The following ST7L variants were observed in gnomAD, a reference collection of about 807,000 sequenced individuals.
The protein encoded by ST7L is suppression of tumorigenicity 7 like.
A neutral mutation model predicts 72.5 loss-of-function variants in ST7L; 57 were observed. The observed-to-expected ratio is 0.79, with a 90% CI of 0.64 to 0.98. The LOEUF (loss-of-function observed/expected upper bound fraction) is 0.98. Among genes scored for constraint, ST7L ranks in the 50% least tolerant of loss-of-function variants. The pLI, the probability that ST7L is intolerant of heterozygous loss-of-function variation, is 0.00. For missense variants in ST7L, 576 were observed against 672.2 expected, an observed-to-expected ratio of 0.86 and a Z score of 1.58; for synonymous variants, 221 against 240.9, an observed-to-expected ratio of 0.92 and a Z score of 0.77.
chr1:112,600,993 G>T (rs957502554), intron 3 of ST7L, 145 bp from the exon 4 acceptor site: 8 of 670,412 alleles, frequency 1.2e-5, no homozygotes, highest in Non-Finnish European at 2.0e-5. Flanking sequence ...TCAAAAAACA[G>T]AATTAAATCT....
At chr1:112,594,015 G>A (rs922732091) in intron 5 of ST7L, among the ~76,000 whole-genome samples, 5 of 152,210 alleles carry the variant, frequency 3.3e-5, no homozygotes, top group Non-Finnish European at 5.9e-5. Flanking sequence ...CACCTCTAGA[G>A]AAGTACATAA....
Position 112,584,104 on chromosome 1 carries a change from G to A in ST7L, c.724C>T (p.Leu242=), listed in dbSNP as rs1452728298. 3 of 1,613,846 alleles carry A rather than the reference G, an allele frequency of 1.9e-6. No homozygotes were observed. The highest frequency in any genetic ancestry group is 3.3e-5 in the Admixed American group (2 of 59,980). Residue 242 remains leucine, a synonymous_variant, in exon 7 of 15, where the codon CTG becomes TTG. Coordinates refer to ENST00000358039, the MANE Select transcript of ST7L (RefSeq NM_017744.5). ...NNDCATAYVL[L]AEEEATTIVD... ...ATAGTTGTTGCTTCTTCCTCAGCCA[G>A]TAGAACATATGCAGTGGCACAGCTA...
chr1:112,520,576 T>C, downstream of ST7L: 1 of 1,512,016 alleles, frequency 6.6e-7, no homozygotes, highest in Non-Finnish European at 9.1e-7. Flanking sequence ...GATCCTTGCA[T>C]GCACACCTTC....
chr1:112,575,232 G>T (rs1376078127), intron 11 of ST7L, among the ~76,000 whole-genome samples: 3 of 152,066 alleles, frequency 2.0e-5, no homozygotes, highest in Non-Finnish European at 2.9e-5. Flanking sequence ...GCAAAACTCT[G>T]TCTAAAGAAA....
intron 14 of ST7L, among the ~76,000 whole-genome samples, chr1:112,533,351 GCT>G (rs1166865452): frequency 1.3e-5 from 2 of 151,520 alleles, no homozygotes; most frequent in African/African-American, 4.8e-5. Context: ...ATGGAGTCTC[GCT>G]CTGTTGCCAG....
intron 13 of ST7L, 92 bp from the exon 14 acceptor site, chr1:112,542,182 T>A: frequency 7.7e-7 from 1 of 1,296,572 alleles, no homozygotes; most frequent in Non-Finnish European, 1.0e-6. Flanking sequence ...TTTTAAAAAT[T>A]AAAAAGAAAA....
intron 14 of ST7L, among the ~76,000 whole-genome samples, chr1:112,534,542 A>G (rs1198614420): frequency 6.6e-6 from 1 of 152,212 alleles, no homozygotes; most frequent in Admixed American, 6.5e-5. Flanking sequence ...ATTGTAATAT[A>G]TTATGTAGTC....
In ST7L at chr1:112,565,211, A is replaced by ATTTTTTTT. The variant is rs777969643; in HGVS notation, c.1246-9201_1246-9194dup. On this transcript the variant is annotated intron_variant, in intron 11 of 14. Transcript: ENST00000358039. ...AGGCGCCCACCACCATGTTCGGCTAATTTTTTTTTTTTTTTTTTTTTTTTT... is the reference window on the plus strand; with the variant it reads ...AGGCGCCCACCACCATGTTCGGCTAATTTTTTTTTTTTTTTTTTTTTTTTTTTTTTTTT... Among the ~76,000 whole-genome samples the ATTTTTTTT allele has an allele frequency of 8.6e-4, 50 of 57,952 alleles. 2 individuals carry two copies. Among genetic ancestry groups the ATTTTTTTT allele is most frequent in the African/African-American group, 1.5e-3 (17 of 11,650 alleles). The allele number at this position is 57,952 out of a possible 152,430, so 38.0% of individuals were successfully genotyped here.
chr1:112,565,842 C>G (rs11102496), intron 11 of ST7L, among the ~76,000 whole-genome samples: 29,461 of 151,840 alleles, frequency 0.19, 3,566 homozygotes, highest in East Asian at 0.46. Flanking sequence ...ATGGCAAAAC[C>G]CCATCTCTAC....
chr1:112,588,465 T>C (rs983074845), intron 6 of ST7L, among the ~76,000 whole-genome samples: 3 of 152,206 alleles, frequency 2.0e-5, no homozygotes, highest in Non-Finnish European at 4.4e-5. Flanking sequence ...CCATTCCTAG[T>C]TTTTTAATGT....
At chr1:112,569,717 G>A (rs1241909032) in intron 11 of ST7L, among the ~76,000 whole-genome samples, 1 of 152,212 alleles carries the variant, frequency 6.6e-6, no homozygotes, top group Non-Finnish European at 1.5e-5. Context: ...CCATGACTAT[G>A]GGAGGCCGAG....
At chr1:112,571,214 A>G (rs1662070163) in intron 11 of ST7L, 12 of 420,832 alleles carry the variant, frequency 2.9e-5, no homozygotes, top group South Asian at 1.2e-4. Context: ...ATTGTGTTTC[A>G]TAACACTCGG....
At chr1:112,589,342 G>T (rs1348835692) in intron 6 of ST7L, among the ~76,000 whole-genome samples, 1 of 152,010 alleles carries the variant, frequency 6.6e-6, no homozygotes, top group Non-Finnish European at 1.5e-5. Flanking sequence ...TTCTGCCTTG[G>T]CCTCCCAAAG....
At chr1:112,540,857 T>G (rs578233172) in intron 14 of ST7L, 2 of 1,286,822 alleles carry the variant, frequency 1.6e-6, no homozygotes, top group South Asian at 2.5e-5. Context: ...TCTTTTTGGG[T>G]TTTAACTCCT....
At chr1:112,566,297 CTTTT>C (rs71084471) in intron 11 of ST7L, among the ~76,000 whole-genome samples, 1 of 105,944 alleles carries the variant, frequency 9.4e-6, no homozygotes. Flanking sequence ...TCTTCTTCTT[CTTTT>C]TTTTTTTTTT....
chr1:112,593,683 T>C lies in ST7L; in HGVS notation c.623-2080A>G, dbSNP rs557125854. Among the ~76,000 whole-genome samples, 3 of 152,214 alleles carry C rather than the reference T, an allele frequency of 2.0e-5. No homozygotes were observed. The South Asian group carries it at 6.2e-4, about 32-fold the overall frequency. Reference sequence around the variant, plus strand: ...CATAAATTCAGATTTTAATGTAAAATCTCCTGATTTTTAAATGCTGAAGAA... The same window carrying C: ...CATAAATTCAGATTTTAATGTAAAACCTCCTGATTTTTAAATGCTGAAGAA... On this transcript the variant is annotated intron_variant, in intron 5 of 14. Coordinates refer to ENST00000358039, the MANE Select transcript of ST7L (RefSeq NM_017744.5).
In ST7L at chr1:112,592,507, C is replaced by A. The variant is rs150708726; in HGVS notation, c.623-904G>T. Among the ~76,000 whole-genome samples, 74 of 152,318 alleles carry A rather than the reference C, an allele frequency of 4.9e-4. No individual in the cohort carries two copies. The South Asian group carries it at 0.015, about 32-fold the overall frequency. On this transcript the variant is annotated intron_variant, in intron 5 of 14. Coordinates refer to ENST00000358039, the MANE Select transcript of ST7L (RefSeq NM_017744.5). ...ATGTCACCAGCTAGCTGCCACCTAA[C>A]GCTTCCTGAACTTGACAAACTGATG...
At chr1:112,595,370 G>GAAAAAAA (rs67553307) in intron 5 of ST7L, among the ~76,000 whole-genome samples, 3 of 51,998 alleles carry the variant, frequency 5.8e-5, no homozygotes, top group African/African-American at 7.7e-5. Flanking sequence ...GGTCTCAAAA[G>GAAAAAAA]AAAAAAAAAA....
intron 14 of ST7L, among the ~76,000 whole-genome samples, chr1:112,530,475 C>T (rs1165595849): frequency 6.6e-6 from 1 of 152,126 alleles, no homozygotes; most frequent in East Asian, 1.9e-4. Flanking sequence ...AGTGCAGTGG[C>T]GTGATCTTGG....
Sources: gnomAD v4.1 joint callset for allele counts (sites outside exome capture counted in the v4.1 genomes callset) on GRCh38, gnomAD v4.1.1 for gene constraint, MANE v1.5 for transcripts, NCBI Gene and HGNC (gene_info 2026-07-23, HGNC 2026-07-21) for gene names.